Variants in CACNA2D3 observed in about 807,000 individuals in gnomAD.
The protein encoded by CACNA2D3 is voltage-dependent calcium channel subunit alpha-2/delta-3.
A neutral mutation model predicts 160.6 loss-of-function variants in CACNA2D3; 60 were observed. That is an observed-to-expected ratio of 0.37 (90% CI 0.30 to 0.46). The LOEUF is 0.46. CACNA2D3 is among the 20% of genes least tolerant of loss of function. CACNA2D3 has a pLI of 1.00. For missense variants in CACNA2D3, 1,205 were observed against 1,365.0 expected (o/e 0.88, Z 1.85); for synonymous variants, 558 against 492.9 (o/e 1.13, Z -1.75).
chr3:54,142,056 T>A (rs1699948233), intron 2 of CACNA2D3, among the ~76,000 whole-genome samples: 1 of 152,216 alleles, frequency 6.6e-6, no homozygotes, highest in Non-Finnish European at 1.5e-5. Context: ...TGCTCTGGTC[T>A]GGGTTCGGAG....
chr3:54,274,202 A>T (rs1702685081), intron 2 of CACNA2D3, among the ~76,000 whole-genome samples: 1 of 150,374 alleles, frequency 6.7e-6, no homozygotes. Context: ...ACATTTGTAG[A>T]ATGATTTCTA....
intron 11 of CACNA2D3, among the ~76,000 whole-genome samples, chr3:54,678,721 A>C (rs915192073): frequency 5.4e-5 from 2 of 37,036 alleles, no homozygotes; most frequent in East Asian, 7.4e-4. Context: ...ACTCGGTCTC[A>C]AAAAAAAAAA....
At chr3:54,295,520 G>T (rs1270777879) in intron 2 of CACNA2D3, among the ~76,000 whole-genome samples, 1 of 152,194 alleles carries the variant, frequency 6.6e-6, no homozygotes, top group Non-Finnish European at 1.5e-5. Flanking sequence ...CCTTGGTTCA[G>T]TCTGGAAAGA....
chr3:54,400,071 G>A (rs376236754), intron 4 of CACNA2D3, among the ~76,000 whole-genome samples: 8 of 137,032 alleles, frequency 5.8e-5, no homozygotes, highest in Non-Finnish European at 1.1e-4. Context: ...TTCCAGGTGC[G>A]TCCGTCACCC....
At chr3:54,413,408 C>CTATATATATATCTATA (rs1559474749) in intron 4 of CACNA2D3, among the ~76,000 whole-genome samples, 4 of 145,242 alleles carry the variant, frequency 2.8e-5, no homozygotes, top group Non-Finnish European at 4.5e-5. Flanking sequence ...CTATATATAT[C>CTATATATATATCTATA]TATATATATA....
chr3:54,737,623 A>G (rs1186481728), intron 11 of CACNA2D3, among the ~76,000 whole-genome samples: 1 of 152,116 alleles, frequency 6.6e-6, no homozygotes, highest in Admixed American at 6.5e-5. Flanking sequence ...CTTTTATTTT[A>G]AATAAGGGAA....
intron 2 of CACNA2D3, among the ~76,000 whole-genome samples, chr3:54,191,123 G>A (rs1376157940): frequency 6.6e-6 from 1 of 150,910 alleles, no homozygotes; most frequent in Non-Finnish European, 1.5e-5. Context: ...CTCAAAGAAA[G>A]TTTTGAAGAA....
intron 3 of CACNA2D3, among the ~76,000 whole-genome samples, chr3:54,375,892 A>C (rs531207964): frequency 6.6e-6 from 1 of 152,088 alleles, no homozygotes; most frequent in Non-Finnish European, 1.5e-5. Context: ...GTAGTGAAAC[A>C]TGGGGTGTAT....
At chr3:54,812,290 A>G (rs1375679315) in intron 13 of CACNA2D3, among the ~76,000 whole-genome samples, 4 of 152,224 alleles carry the variant, frequency 2.6e-5, no homozygotes, top group African/African-American at 9.7e-5. Flanking sequence ...TGAAAAAGAA[A>G]AGCAGCATGG....
At chr3:54,503,321 A>G (rs1017340135) in intron 4 of CACNA2D3, among the ~76,000 whole-genome samples, 171 bp from the exon 5 acceptor site, 1 of 152,236 alleles carries the variant, frequency 6.6e-6, no homozygotes, top group Admixed American at 6.5e-5. Context: ...ATATAATGCT[A>G]TCTCACCCAT....
intron 13 of CACNA2D3, among the ~76,000 whole-genome samples, chr3:54,803,160 C>T (rs1455835280): frequency 6.6e-6 from 1 of 152,206 alleles, no homozygotes; most frequent in African/African-American, 2.4e-5. Flanking sequence ...CGCCTCTCCT[C>T]CTCCAAAAGA....
At position 54,742,424 on chromosome 3, in the gene CACNA2D3, T is replaced by TAATAAATA. The variant is rs543803190; in HGVS notation, c.1168-10160_1168-10153dup. 1.6e-4 allele frequency among the ~76,000 whole-genome samples: 25 copies of TAATAAATA among 151,720 alleles called. 1 individual carries two copies. Among genetic ancestry groups the TAATAAATA allele is most frequent in the Admixed American group, 1.6e-3 (25 of 15,222 alleles). ...CAGAGTGAGACTGTGTCTCAAAAAATAATAAATAAATAAATAAATAAAATC... is the reference window on the plus strand; with the variant it reads ...CAGAGTGAGACTGTGTCTCAAAAAATAATAAATAAATAAATAAATAAATAAATAAAATC... On this transcript the variant is annotated intron_variant, in intron 11 of 37. Transcript: ENST00000474759.
At chr3:54,851,874 T>A (rs1699065002) in intron 17 of CACNA2D3, among the ~76,000 whole-genome samples, 1 of 152,216 alleles carries the variant, frequency 6.6e-6, no homozygotes, top group African/African-American at 2.4e-5. Context: ...ATGATGTGTA[T>A]CCTACATGGC....
intron 5 of CACNA2D3, among the ~76,000 whole-genome samples, chr3:54,552,560 T>A (rs1702175873): frequency 6.6e-6 from 1 of 152,164 alleles, no homozygotes; most frequent in South Asian, 2.1e-4. Flanking sequence ...ACTATAGCAA[T>A]GGACTTCAAA....
intron 11 of CACNA2D3, among the ~76,000 whole-genome samples, chr3:54,679,469 C>T (rs1700303859): frequency 6.6e-6 from 1 of 152,166 alleles, no homozygotes; most frequent in East Asian, 1.9e-4. Context: ...GCATCAATCC[C>T]TGGGAGAGCT....
chr3:54,607,343 A>G (rs555034473), intron 9 of CACNA2D3, among the ~76,000 whole-genome samples: 4 of 152,194 alleles, frequency 2.6e-5, no homozygotes, highest in African/African-American at 9.6e-5. Context: ...TTTTTGAGGC[A>G]GAGTCTCACT....
rs577237413 is a variant in CACNA2D3 at position 54,982,534 on chromosome 3, A to G, written c.2557-2074A>G. Among the ~76,000 whole-genome samples the G allele has an allele frequency of 2.0e-5, 3 of 152,176 alleles. No individual in the cohort carries two copies. In the East Asian group the frequency reaches 5.8e-4, roughly 30 times the overall value. ...CATCCACCTGGGATTCACCAGAAAG[A>G]TGTTACTGGAAACGGGTCCTGATCC... On this transcript the variant is annotated intron_variant, in intron 29 of 37. Coordinates refer to ENST00000474759, the MANE Select transcript of CACNA2D3 (RefSeq NM_018398.3).
Position 54,639,957 on chromosome 3 carries a change from C to T in CACNA2D3, c.1054-2171C>T, listed in dbSNP as rs186730023. 1,077 of 153,492 alleles carry T rather than the reference C, an allele frequency of 7.0e-3. 10 individuals carry two copies. Among genetic ancestry groups the T allele is most frequent in the Non-Finnish European group, 6.8e-3 (473 of 69,496 alleles). The allele number at this position is 153,492 out of a possible 1,614,324, so 9.5% of individuals were successfully genotyped here. Reference sequence around the variant, plus strand: ...TCTCTGGCGGGTAGGAGCGGGGGGTCGCAAGGTGCTCAGTGGGGGTGCTTT... The same window carrying T: ...TCTCTGGCGGGTAGGAGCGGGGGGTTGCAAGGTGCTCAGTGGGGGTGCTTT... On this transcript the variant is annotated intron_variant, in intron 10 of 37. Transcript: ENST00000474759.
chr3:54,984,658 A>C lies in CACNA2D3; in HGVS notation c.2607A>C (p.Glu869Asp). Residue 869 changes from glutamate to aspartate, a missense_variant, in exon 30 of 38, where the codon GAA (glutamate) becomes GAC (aspartate). By Grantham distance (45) the Glu-to-Asp change is conservative. Coordinates refer to ENST00000474759, the MANE Select transcript of CACNA2D3 (RefSeq NM_018398.3). The stretch of plus-strand genomic sequence containing the variant: ...ATAATGGATTTATTTTGGTGTCTGA[A>C]GACTACACACAGGTGAGTGAAAATT... ...IDNNGFILVS[E>D]DYTQTGDFFG... The C allele has an allele frequency of 1.3e-6, 2 of 1,563,324 alleles. No homozygotes were observed. Among genetic ancestry groups the C allele is most frequent in the Non-Finnish European group, 1.7e-6 (2 of 1,149,270 alleles).
Sources: allele counts gnomAD v4.1 joint callset (sites outside exome capture counted in the v4.1 genomes callset), GRCh38; gene constraint gnomAD v4.1.1; transcripts MANE v1.5; gene names NCBI Gene and HGNC (gene_info 2026-07-23, HGNC 2026-07-21).